SPOCK3: variants seen among roughly 807,000 people sequenced by gnomAD.
SPOCK3 encodes the protein testican-3.
SPOCK3 carries 30 observed loss-of-function variants against 56.6 expected under a neutral mutation model. The ratio of observed to expected loss-of-function variants is 0.53; its 90% CI spans 0.40 to 0.72. SPOCK3 has a LOEUF of 0.72. SPOCK3 is among the 30% of genes least tolerant of loss of function. SPOCK3 has a pLI of 0.00. For missense variants in SPOCK3, 527 were observed against 530.0 expected (o/e 0.99, Z 0.06); for synonymous variants, 196 against 183.3 (o/e 1.07, Z -0.56).
intron 6 of SPOCK3, among the ~76,000 whole-genome samples, chr4:166,852,549 A>G (rs1020611600): frequency 2.0e-5 from 3 of 152,240 alleles, no homozygotes; most frequent in Non-Finnish European, 2.9e-5. Context: ...TAAAACAACC[A>G]ACTAGCATTC....
chr4:166,746,941 T>C (rs1399759515), intron 8 of SPOCK3, among the ~76,000 whole-genome samples: 2 of 152,066 alleles, frequency 1.3e-5, no homozygotes, highest in South Asian at 2.1e-4. Context: ...CAGGAAGAAG[T>C]TGAATCCCTG....
At chr4:166,963,509 C>G (rs540516582) in intron 4 of SPOCK3, among the ~76,000 whole-genome samples, 1 of 149,816 alleles carries the variant, frequency 6.7e-6, no homozygotes, top group South Asian at 2.1e-4. Flanking sequence ...CACCGTAACA[C>G]TAAGAGGATT....
intron 8 of SPOCK3, among the ~76,000 whole-genome samples, chr4:166,751,446 A>G (rs1379044792): frequency 6.6e-6 from 1 of 152,190 alleles, no homozygotes; most frequent in Admixed American, 6.6e-5. Flanking sequence ...ATGGCATTTT[A>G]TATATAATTA....
chr4:166,999,894 C>T (rs1214826989), intron 4 of SPOCK3, among the ~76,000 whole-genome samples: 1 of 152,126 alleles, frequency 6.6e-6, no homozygotes, highest in Non-Finnish European at 1.5e-5. Flanking sequence ...CTAAAGAAGG[C>T]ATCCTGAGGG....
chr4:166,911,473 T>C (rs570748945), intron 5 of SPOCK3, among the ~76,000 whole-genome samples: 1 of 152,204 alleles, frequency 6.6e-6, no homozygotes, highest in Non-Finnish European at 1.5e-5. Flanking sequence ...TTTATAGATT[T>C]AATGTATACT....
rs770732211 is a variant in SPOCK3 at position 166,883,909 on chromosome 4, T to C, written c.589+5221A>G. ...GAATGGGAGTACAGGCATTAACAAA[T>C]GTGTCCACATGGTAGTTCACTATTA... On this transcript the variant is annotated intron_variant, in intron 6 of 10. Transcript: ENST00000357545. 9.0e-4 allele frequency among the ~76,000 whole-genome samples: 137 copies of C among 152,174 alleles called. 3 individuals are homozygous for C. The highest frequency in any genetic ancestry group is 2.2e-4 in the Non-Finnish European group (15 of 68,028).
intron 2 of SPOCK3, among the ~76,000 whole-genome samples, chr4:167,132,824 A>G (rs1381509636): frequency 6.6e-6 from 1 of 152,108 alleles, no homozygotes; most frequent in Non-Finnish European, 1.5e-5. Flanking sequence ...CATGTGTCTC[A>G]TCTGTGTGTC....
intron 2 of SPOCK3, among the ~76,000 whole-genome samples, chr4:167,230,788 T>G (rs575937389): frequency 6.6e-6 from 1 of 152,272 alleles, no homozygotes; most frequent in South Asian, 2.1e-4. Context: ...GAAAGCTCTT[T>G]ATGTCTATAA....
chr4:166,801,787 A>G (rs1468566572), intron 6 of SPOCK3, among the ~76,000 whole-genome samples: 1 of 152,184 alleles, frequency 6.6e-6, no homozygotes, highest in Non-Finnish European at 1.5e-5. Flanking sequence ...AAACAACTCA[A>G]TGAAGGTTAG....
intron 2 of SPOCK3, among the ~76,000 whole-genome samples, chr4:167,159,187 T>A (rs914659114): frequency 3.3e-5 from 5 of 152,066 alleles, no homozygotes; most frequent in Non-Finnish European, 7.4e-5. Flanking sequence ...CTATCTCGCA[T>A]AACTACTATA....
intron 7 of SPOCK3, among the ~76,000 whole-genome samples, chr4:166,765,666 G>C (rs1737920179): frequency 6.6e-6 from 1 of 152,200 alleles, no homozygotes; most frequent in African/African-American, 2.4e-5. Context: ...TTTTGGCAAT[G>C]TGGGCTCTTT....
chr4:167,162,306 C>G (rs747974286), intron 2 of SPOCK3, among the ~76,000 whole-genome samples: 2 of 152,018 alleles, frequency 1.3e-5, no homozygotes, highest in Non-Finnish European at 2.9e-5. Flanking sequence ...TTATAGGAGA[C>G]TTAGCCCCAG....
chr4:166,889,100 T>TA, intron 6 of SPOCK3, 30 bp downstream of exon 6: 1 of 1,329,582 alleles, frequency 7.5e-7, no homozygotes, highest in East Asian at 2.3e-5. Context: ...GTGATGAATG[T>TA]AAAATTATAA....
chr4:167,219,140 G>C (rs545706350), intron 2 of SPOCK3, among the ~76,000 whole-genome samples: 1 of 152,292 alleles, frequency 6.6e-6, no homozygotes, highest in Non-Finnish European at 1.5e-5. Flanking sequence ...CATTTTAGAT[G>C]AATCTGACTG....
chr4:167,142,072 AAT>A (rs1763580057), intron 2 of SPOCK3, among the ~76,000 whole-genome samples: 1 of 152,036 alleles, frequency 6.6e-6, no homozygotes, highest in Admixed American at 6.6e-5. Flanking sequence ...CAAAATCTAG[AAT>A]ATACTTTATT....
chr4:166,784,482 A>G (rs980956919), intron 7 of SPOCK3, among the ~76,000 whole-genome samples: 1 of 152,118 alleles, frequency 6.6e-6, no homozygotes, highest in Non-Finnish European at 1.5e-5. Context: ...AATAAAAGAG[A>G]ATAAAATGCC....
chr4:166,782,181 C>T (rs1740251150), intron 7 of SPOCK3, among the ~76,000 whole-genome samples: 1 of 152,118 alleles, frequency 6.6e-6, no homozygotes, highest in Admixed American at 6.6e-5. Context: ...AGTTCCTCCA[C>T]TGTACTATCA....
intron 6 of SPOCK3, among the ~76,000 whole-genome samples, chr4:166,835,047 G>A (rs1045526904): frequency 2.6e-5 from 4 of 151,788 alleles, no homozygotes; most frequent in Admixed American, 2.0e-4. Flanking sequence ...AGTATAAACC[G>A]ATTACCAATA....
intron 7 of SPOCK3, among the ~76,000 whole-genome samples, chr4:166,771,020 A>G (rs921277455): frequency 2.7e-5 from 4 of 149,314 alleles, no homozygotes; most frequent in Admixed American, 6.7e-5. Context: ...TGCTATATAT[A>G]TTATACATAG....
Sources: allele counts gnomAD v4.1 joint callset (sites outside exome capture counted in the v4.1 genomes callset), GRCh38; gene constraint gnomAD v4.1.1; transcripts MANE v1.5; gene names NCBI Gene and HGNC (gene_info 2026-07-23, HGNC 2026-07-21).